The following CAP2 variants were observed in gnomAD, a reference collection of about 807,000 sequenced individuals.
CAP2 encodes cyclase associated actin cytoskeleton regulatory protein 2, also known as adenylyl cyclase-associated protein 2.
A neutral mutation model predicts 57.7 loss-of-function variants in CAP2; 24 were observed. That is an observed-to-expected ratio of 0.42 (90% CI 0.30 to 0.58). The LOEUF is 0.58. Ranked by LOEUF, CAP2 falls within the 20% of genes least tolerant of loss-of-function variation. CAP2 has a pLI of 0.22. For missense variants in CAP2, 501 were observed against 590.3 expected, an observed-to-expected ratio of 0.85 and a Z score of 1.57; for synonymous variants, 194 against 207.2, an observed-to-expected ratio of 0.94 and a Z score of 0.55.
intron 3 of CAP2, among the ~76,000 whole-genome samples, chr6:17,430,108 G>C: frequency 6.6e-6 from 1 of 152,198 alleles, no homozygotes; most frequent in Non-Finnish European, 1.5e-5. Flanking sequence ...GGGCAGCCAA[G>C]CTATGATTTA....
intron 1 of CAP2, among the ~76,000 whole-genome samples, chr6:17,406,948 GA>G (rs375496804): frequency 6.6e-6 from 1 of 151,996 alleles, no homozygotes; most frequent in Non-Finnish European, 1.5e-5. Context: ...AAAAAAATGA[GA>G]AAAAAACCAG....
intron 3 of CAP2, among the ~76,000 whole-genome samples, chr6:17,448,468 C>G: frequency 6.6e-6 from 1 of 152,214 alleles, no homozygotes; most frequent in East Asian, 1.9e-4. Flanking sequence ...ATATAAACTT[C>G]TAACAATATT....
At chr6:17,454,420 G>T (rs951045485) in intron 3 of CAP2, among the ~76,000 whole-genome samples, 1 of 152,170 alleles carries the variant, frequency 6.6e-6, no homozygotes, top group Non-Finnish European at 1.5e-5. Flanking sequence ...GTGTCCAGGC[G>T]CTGGCTGAGT....
At chr6:17,531,124 C>G in intron 7 of CAP2, 1 of 762,032 alleles carries the variant, frequency 1.3e-6, no homozygotes, top group Non-Finnish European at 2.4e-6. Flanking sequence ...GCCATCAAAG[C>G]CTCATCTGTC....
chr6:17,418,719 T>G (rs1455354893), intron 1 of CAP2, among the ~76,000 whole-genome samples: 2 of 152,002 alleles, frequency 1.3e-5, no homozygotes, highest in African/African-American at 2.4e-5. Context: ...ATTTGGCAAG[T>G]TGAGTAACAG....
At position 17,500,766 on chromosome 6, in the gene CAP2, A is replaced by T. The variant is rs566100395; in HGVS notation, c.301-6403A>T. On this transcript the variant is annotated intron_variant, in intron 4 of 12. Transcript: ENST00000229922. ...ACATGTTAGAAGATTTAGAATATATAGATAAGCCAATAAAATTAAATAACA... is the reference window on the plus strand; with the variant it reads ...ACATGTTAGAAGATTTAGAATATATTGATAAGCCAATAAAATTAAATAACA... Among the ~76,000 whole-genome samples the T allele has an allele frequency of 2.0e-5, 3 of 152,330 alleles. No homozygotes were observed. The South Asian group carries it at 6.2e-4, about 32-fold the overall frequency.
chr6:17,478,161 G>T (rs911687561), intron 4 of CAP2, among the ~76,000 whole-genome samples: 1 of 151,164 alleles, frequency 6.6e-6, no homozygotes, highest in African/African-American at 2.4e-5. Context: ...TTGAGACAAG[G>T]TCTTGCTCTG....
chr6:17,476,537 T>C (rs998021813), intron 4 of CAP2, among the ~76,000 whole-genome samples: 5 of 152,184 alleles, frequency 3.3e-5, no homozygotes, highest in African/African-American at 1.2e-4. Context: ...ACGCTTGAGA[T>C]TGGATTATCT....
chr6:17,428,897 G>A (rs1004179712), intron 3 of CAP2, among the ~76,000 whole-genome samples: 1 of 152,114 alleles, frequency 6.6e-6, no homozygotes, highest in African/African-American at 2.4e-5. Flanking sequence ...TATGCCAGAG[G>A]CTCCAAGACT....
At chr6:17,415,304 A>C (rs114101146) in intron 1 of CAP2, among the ~76,000 whole-genome samples, 1,612 of 152,344 alleles carry the variant, frequency 0.011, 13 homozygotes, top group Non-Finnish European at 0.018. Context: ...GGAATTTACA[A>C]AACCCTTTAG....
chr6:17,404,763 T>G (rs1581488976), intron 1 of CAP2, among the ~76,000 whole-genome samples: 1 of 128,706 alleles, frequency 7.8e-6, no homozygotes. Context: ...AGTGTGAGAC[T>G]CCATCTCAAA....
intron 4 of CAP2, among the ~76,000 whole-genome samples, chr6:17,478,199 A>G (rs1761200649): frequency 1.3e-5 from 2 of 150,444 alleles, no homozygotes. Flanking sequence ...CAGTAGCGTG[A>G]TCTTAGCTAA....
At chr6:17,534,806 A>G (rs1290798520) in intron 7 of CAP2, among the ~76,000 whole-genome samples, 1 of 152,172 alleles carries the variant, frequency 6.6e-6, no homozygotes, top group Non-Finnish European at 1.5e-5. Context: ...TAACTTTAAA[A>G]TGAAATCACC....
Position 17,434,235 on chromosome 6 carries a change from C to CTTT in CAP2, c.222+7554_222+7556dup, listed in dbSNP as rs113654321. Among the ~76,000 whole-genome samples the CTTT allele has an allele frequency of 2.0e-4, 28 of 139,184 alleles. 1 individual carries two copies. The highest frequency in any genetic ancestry group is 5.8e-4 in the African/African-American group (22 of 38,224). The allele number at this position is 139,184 out of a possible 152,430, so 91.3% of individuals were successfully genotyped here. ...TCTTTTTTTTTCTCTTTTTTTCTTTCTTTTTTTTTTTGAGACAGAGTCTCA... is the reference window on the plus strand; with the variant it reads ...TCTTTTTTTTTCTCTTTTTTTCTTTCTTTTTTTTTTTTTTGAGACAGAGTCTCA... On this transcript the variant is annotated intron_variant, in intron 3 of 12. Transcript: ENST00000229922.
intron 3 of CAP2, among the ~76,000 whole-genome samples, chr6:17,445,854 A>G (rs1561786477): frequency 6.6e-6 from 1 of 152,238 alleles, no homozygotes; most frequent in African/African-American, 2.4e-5. Flanking sequence ...GATATCGAAC[A>G]GCACCGCCGC....
chr6:17,474,079 A>C (rs1761086424), intron 4 of CAP2, among the ~76,000 whole-genome samples: 1 of 151,952 alleles, frequency 6.6e-6, no homozygotes, highest in Non-Finnish European at 1.5e-5. Context: ...TAAAGACCAA[A>C]GTTTACCATT....
intron 7 of CAP2, among the ~76,000 whole-genome samples, chr6:17,515,250 C>G (rs1266042879): frequency 6.6e-6 from 1 of 151,744 alleles, no homozygotes; most frequent in African/African-American, 2.4e-5. Context: ...GGTTTGAAGA[C>G]AGGTGTACAT....
chr6:17,480,773 G>GGTTTT lies in CAP2; in HGVS notation c.300+17700_300+17701insGTTTT, dbSNP rs1209470148. Among the ~76,000 whole-genome samples, 4 of 136,368 alleles carry GGTTTT rather than the reference G, an allele frequency of 2.9e-5. 1 individual carries two copies. Among genetic ancestry groups the GGTTTT allele is most frequent in the African/African-American group, 5.5e-5 (2 of 36,324 alleles). The allele number at this position is 136,368 out of a possible 152,430, so 89.5% of individuals were successfully genotyped here. ...CTTGGTGCTAAATGTGGTTTTTTTGGTTTTTTTTTTTTTTTTTTTGAGACA... is the reference window on the plus strand; with the variant it reads ...CTTGGTGCTAAATGTGGTTTTTTTGGGTTTTTTTTTTTTTTTTTTTTTTTGAGACA... On this transcript the variant is annotated intron_variant, in intron 4 of 12. Transcript: ENST00000229922.
intron 4 of CAP2, among the ~76,000 whole-genome samples, chr6:17,502,473 T>C (rs1042736388): frequency 6.6e-6 from 1 of 152,168 alleles, no homozygotes; most frequent in Non-Finnish European, 1.5e-5. Flanking sequence ...TTATTAGAGT[T>C]GTGCAAATAG....
Sources: gnomAD v4.1 joint callset for allele counts (sites outside exome capture counted in the v4.1 genomes callset) on GRCh38, gnomAD v4.1.1 for gene constraint, MANE v1.5 for transcripts, NCBI Gene and HGNC (gene_info 2026-07-23, HGNC 2026-07-21) for gene names.